Variants in SCARA5 observed in about 807,000 individuals in gnomAD.
SCARA5 encodes scavenger receptor class A member 5.
A neutral mutation model predicts 46.3 loss-of-function variants in SCARA5; 45 were observed. The ratio of observed to expected loss-of-function variants is 0.97; its 90% CI spans 0.76 to 1.24. SCARA5 has a LOEUF of 1.24. Among genes scored for constraint, SCARA5 ranks in the 50% most tolerant of loss-of-function variants. The probability of loss-of-function intolerance (pLI) is 0.00; values close to 1 mark genes in which losing one functional copy is unlikely to be tolerated. For missense variants in SCARA5, 680 were observed against 689.0 expected (o/e 0.99, Z 0.15); for synonymous variants, 333 against 306.5 (o/e 1.09, Z -0.90).
intron 3 of SCARA5, among the ~76,000 whole-genome samples, chr8:27,941,607 G>A (rs554313566): frequency 3.5e-4 from 53 of 151,788 alleles, no homozygotes; most frequent in African/African-American, 6.0e-4. Flanking sequence ...TCAAACTCTC[G>A]GTGTTGTTAT....
intron 3 of SCARA5, among the ~76,000 whole-genome samples, chr8:27,950,831 G>T (rs1285170200): frequency 2.0e-5 from 3 of 151,320 alleles, no homozygotes; most frequent in Non-Finnish European, 2.9e-5. Flanking sequence ...TCAACCGATC[G>T]GAACGAGCTC....
chr8:27,920,612 C>CAAAAAA (rs55954197), intron 4 of SCARA5, among the ~76,000 whole-genome samples: 1 of 123,762 alleles, frequency 8.1e-6, no homozygotes, highest in African/African-American at 3.0e-5. Context: ...GACTCCATCT[C>CAAAAAA]AAAAAAAAAA....
chr8:27,882,992 A>G (rs923987024), intron 7 of SCARA5, among the ~76,000 whole-genome samples: 1 of 152,216 alleles, frequency 6.6e-6, no homozygotes, highest in African/African-American at 2.4e-5. Context: ...CAGGACTGTC[A>G]TGCAAACAAA....
chr8:27,895,936 C>T (rs2726966), intron 7 of SCARA5, among the ~76,000 whole-genome samples: 130,226 of 152,162 alleles, frequency 0.86, 57,319 homozygotes, highest in East Asian at 1. Flanking sequence ...AAATAATAAA[C>T]GAAGCGCTTT....
intron 7 of SCARA5, among the ~76,000 whole-genome samples, chr8:27,901,724 A>G (rs912206556): frequency 2.0e-5 from 3 of 152,282 alleles, no homozygotes; most frequent in South Asian, 2.1e-4. Flanking sequence ...CTGAATCGTG[A>G]CAACTATTCC....
chr8:27,970,849 A>G (rs1459538137), intron 2 of SCARA5, among the ~76,000 whole-genome samples: 1 of 152,140 alleles, frequency 6.6e-6, no homozygotes, highest in Non-Finnish European at 1.5e-5. Flanking sequence ...GTGTGTGCAA[A>G]ATTTATCTGA....
chr8:27,978,675 A>G (rs1808564160), intron 2 of SCARA5, among the ~76,000 whole-genome samples: 1 of 151,930 alleles, frequency 6.6e-6, no homozygotes, highest in Admixed American at 6.6e-5. Flanking sequence ...ACATCTGGCT[A>G]ATTTTTAAAA....
chr8:27,878,687 C>T (rs1198299387), intron 8 of SCARA5, among the ~76,000 whole-genome samples: 1 of 152,230 alleles, frequency 6.6e-6, no homozygotes, highest in Non-Finnish European at 1.5e-5. Flanking sequence ...GGTTCAAATA[C>T]AGACTCCTAA....
chr8:27,958,983 AG>A (rs1357160977), intron 3 of SCARA5, among the ~76,000 whole-genome samples: 1 of 152,214 alleles, frequency 6.6e-6, no homozygotes, highest in Non-Finnish European at 1.5e-5. Flanking sequence ...CTGCAATCCC[AG>A]CACGTTGGGA....
At chr8:27,968,321 C>T (rs1431013604) in intron 2 of SCARA5, among the ~76,000 whole-genome samples, 3 of 152,190 alleles carry the variant, frequency 2.0e-5, no homozygotes, top group Non-Finnish European at 4.4e-5. Flanking sequence ...GGTGCAGTGT[C>T]GAGCAAGTTG....
chr8:27,929,759 C>T (rs1340225916), intron 3 of SCARA5, among the ~76,000 whole-genome samples: 1 of 152,152 alleles, frequency 6.6e-6, no homozygotes, highest in Non-Finnish European at 1.5e-5. Context: ...TATTAATCAC[C>T]TACTGTATGC....
At chr8:27,947,162 C>T (rs1020035292) in intron 3 of SCARA5, among the ~76,000 whole-genome samples, 1 of 152,130 alleles carries the variant, frequency 6.6e-6, no homozygotes, top group African/African-American at 2.4e-5. Flanking sequence ...TAGGTATGCA[C>T]TACCACGTCC....
At chr8:27,873,573 C>T (rs1355378161) in intron 8 of SCARA5, among the ~76,000 whole-genome samples, 2 of 152,086 alleles carry the variant, frequency 1.3e-5, no homozygotes, top group South Asian at 2.1e-4. Context: ...AGAACAACCC[C>T]CTTTAACTGT....
At chr8:27,979,749 C>G (rs1808586209) in intron 2 of SCARA5, among the ~76,000 whole-genome samples, 1 of 151,960 alleles carries the variant, frequency 6.6e-6, no homozygotes, top group African/African-American at 2.4e-5. Context: ...TTAGTAGAGA[C>G]AGGGTTCCAC....
intron 3 of SCARA5, among the ~76,000 whole-genome samples, chr8:27,965,227 G>A (rs1010922588): frequency 6.6e-6 from 1 of 152,180 alleles, no homozygotes; most frequent in East Asian, 1.9e-4. Flanking sequence ...GACTAGTCCC[G>A]CTTGACGGAA....
At chr8:27,874,756 C>T (rs1050467811) in intron 8 of SCARA5, among the ~76,000 whole-genome samples, 2 of 152,160 alleles carry the variant, frequency 1.3e-5, no homozygotes, top group Non-Finnish European at 2.9e-5. Flanking sequence ...TGCCTGTTCC[C>T]ACCTACAAAT....
intron 4 of SCARA5, among the ~76,000 whole-genome samples, chr8:27,920,444 C>T (rs1217648798): frequency 2.0e-5 from 3 of 151,702 alleles, no homozygotes; most frequent in African/African-American, 7.3e-5. Flanking sequence ...GAAACTCTGT[C>T]TTCTACTAAA....
chr8:27,912,349 C>G (rs1807391706), intron 4 of SCARA5, among the ~76,000 whole-genome samples: 1 of 152,176 alleles, frequency 6.6e-6, no homozygotes, highest in South Asian at 2.1e-4. Context: ...CCAAACTTGA[C>G]AGACATTTAA....
intron 2 of SCARA5, among the ~76,000 whole-genome samples, chr8:27,979,859 C>T (rs1808587837): frequency 6.6e-6 from 1 of 152,168 alleles, no homozygotes; most frequent in South Asian, 2.1e-4. Context: ...CCATGCCTGG[C>T]CCCAGAACCT....
Sources: allele counts gnomAD v4.1 joint callset (sites outside exome capture counted in the v4.1 genomes callset), GRCh38; gene constraint gnomAD v4.1.1; transcripts MANE v1.5; gene names NCBI Gene and HGNC (gene_info 2026-07-23, HGNC 2026-07-21).